The following SEMA6A variants were observed in gnomAD, a reference collection of about 807,000 sequenced individuals.
SEMA6A encodes semaphorin 6A.
SEMA6A carries 25 observed loss-of-function variants against 96.8 expected under a neutral mutation model. The ratio of observed to expected loss-of-function variants is 0.26; its 90% CI spans 0.19 to 0.36. SEMA6A has a LOEUF of 0.36. SEMA6A is among the 10% of genes least tolerant of loss of function. SEMA6A has a pLI of 1.00. For synonymous variants in SEMA6A, 612 were observed against 518.0 expected (o/e 1.18, Z -2.46); for missense variants, 1,363 against 1,323.1 (o/e 1.03, Z -0.47).
rs1754198347 is a variant in SEMA6A, at chr5:116,446,280, G to GTA, written c.*332_*333insTA. 2 of 222,858 alleles carry GTA rather than the reference G, an allele frequency of 9.0e-6. No homozygotes were observed. The highest frequency in any genetic ancestry group is 4.9e-5 in the African/African-American group (2 of 41,156). The allele number at this position is 222,858 out of a possible 1,614,324, so 13.8% of individuals were successfully genotyped here. A position where few individuals can be genotyped will look rare whatever the true frequency, so the allele number is the denominator to read the frequency against. ...GTTGTGTGCATGTGTGTGTGTGTGT[G>GTA]TGTGTGGGGGTGGGGGATGGGGTAG... On this transcript the variant is annotated 3_prime_UTR_variant, in exon 19 of 19. Transcript: ENST00000343348.
At chr5:116,465,206 G>A (rs182310952) in intron 18 of SEMA6A, among the ~76,000 whole-genome samples, 17 of 152,232 alleles carry the variant, frequency 1.1e-4, no homozygotes, top group Admixed American at 5.9e-4. Flanking sequence ...TCACAGATTC[G>A]TTCAAGTTAA....
At chr5:116,514,371 A>T (rs1464325052) in intron 1 of SEMA6A, among the ~76,000 whole-genome samples, 1 of 152,090 alleles carries the variant, frequency 6.6e-6, no homozygotes, top group Admixed American at 6.6e-5. Context: ...TTCTCTAATG[A>T]TCAGTGATTT....
intron 1 of SEMA6A, among the ~76,000 whole-genome samples, chr5:116,510,626 T>G (rs943965610): frequency 1.3e-4 from 20 of 152,146 alleles, no homozygotes; most frequent in Non-Finnish European, 2.6e-4. Flanking sequence ...CTTGGACTCC[T>G]TACAAAATTC....
At position 116,547,589 on chromosome 5, in the gene SEMA6A, T is replaced by C. The variant is rs190470941; in HGVS notation, c.-39+26596A>G. On this transcript the variant is annotated intron_variant, in intron 1 of 18. Transcript: ENST00000343348. ...ACGTACTGGTTAAAGGCCTTTGTTT[T>C]ATCTATTAAGGAAGCTTCTGCAACA... is the stretch of plus-strand genomic sequence containing the variant. Among the ~76,000 whole-genome samples, 646 of 152,080 alleles carry C rather than the reference T, an allele frequency of 4.2e-3. 11 individuals carry two copies. The highest frequency in any genetic ancestry group is 1.2e-3 in the Non-Finnish European group (81 of 68,002).
chr5:116,458,176 A>G (rs947745589), intron 18 of SEMA6A, among the ~76,000 whole-genome samples: 3 of 152,228 alleles, frequency 2.0e-5, no homozygotes, highest in Non-Finnish European at 4.4e-5. Context: ...CCACTTTTCC[A>G]CATAATGCAA....
intron 15 of SEMA6A, among the ~76,000 whole-genome samples, chr5:116,477,553 G>A (rs999241822): frequency 1.2e-4 from 18 of 152,188 alleles, no homozygotes; most frequent in African/African-American, 4.3e-4. Context: ...CCACCATGAT[G>A]ATCAAGGCAG....
chr5:116,518,981 C>T (rs1292802903), intron 1 of SEMA6A, among the ~76,000 whole-genome samples: 1 of 151,394 alleles, frequency 6.6e-6, no homozygotes, highest in Non-Finnish European at 1.5e-5. Flanking sequence ...TTAACATAGT[C>T]TTTATCTCTC....
At chr5:116,477,785 C>G in intron 15 of SEMA6A, 61 bp downstream of exon 15, 2 of 1,527,782 alleles carry the variant, frequency 1.3e-6, no homozygotes, top group Non-Finnish European at 1.8e-6. Flanking sequence ...GCAAATCTTA[C>G]ATCTAGAATA....
intron 9 of SEMA6A, 42 bp downstream of exon 9, chr5:116,488,066 G>C (rs1561490942): frequency 1.5e-6 from 2 of 1,333,448 alleles, no homozygotes; most frequent in Non-Finnish European, 1.1e-6. Flanking sequence ...GTGGGTTTCT[G>C]AAAATGTTAC....
intron 7 of SEMA6A, among the ~76,000 whole-genome samples, chr5:116,489,403 A>G (rs1036890207): frequency 6.6e-6 from 1 of 152,104 alleles, no homozygotes; most frequent in African/African-American, 2.4e-5. Flanking sequence ...AGGGAAAGAT[A>G]GATGCTGATT....
intron 2 of SEMA6A, among the ~76,000 whole-genome samples, chr5:116,503,631 C>T (rs1403713709): frequency 6.6e-6 from 1 of 152,060 alleles, no homozygotes; most frequent in East Asian, 1.9e-4. Flanking sequence ...GCTGCCTCAG[C>T]CTCCTGTAGC....
chr5:116,546,146 G>C (rs991489450), intron 1 of SEMA6A, among the ~76,000 whole-genome samples: 57 of 152,334 alleles, frequency 3.7e-4, no homozygotes, highest in Admixed American at 3.5e-3. Context: ...ACTGAGATTA[G>C]GATCACTCTT....
chr5:116,496,050 C>G (rs1157758508), intron 5 of SEMA6A: 2 of 516,162 alleles, frequency 3.9e-6, no homozygotes, highest in African/African-American at 3.9e-5. Context: ...TGATGCAGGC[C>G]TAGCAGCTGT....
intron 1 of SEMA6A, among the ~76,000 whole-genome samples, chr5:116,543,942 A>C (rs1760080983): frequency 6.6e-6 from 1 of 152,158 alleles, no homozygotes; most frequent in Non-Finnish European, 1.5e-5. Flanking sequence ...ACTGCTGTTA[A>C]AATACATTTG....
chr5:116,550,089 AT>A (rs1013833776), intron 1 of SEMA6A: 2 of 152,166 alleles, frequency 1.3e-5, no homozygotes, highest in Non-Finnish European at 1.5e-5. Flanking sequence ...TAAAGAGTTA[AT>A]TTTTTTAGAG....
At chr5:116,556,367 G>T (rs1003920496) in intron 1 of SEMA6A, among the ~76,000 whole-genome samples, 1 of 152,096 alleles carries the variant, frequency 6.6e-6, no homozygotes, top group South Asian at 2.1e-4. Flanking sequence ...AGTTTTACTT[G>T]TCAAGAACCC....
chr5:116,450,047 T>G (rs1754524330), intron 18 of SEMA6A, among the ~76,000 whole-genome samples: 1 of 152,368 alleles, frequency 6.6e-6, no homozygotes, highest in East Asian at 1.9e-4. Context: ...TTTCTTAAAT[T>G]TGCATTTCCT....
At chr5:116,455,438 A>G (rs1242164227) in intron 18 of SEMA6A, among the ~76,000 whole-genome samples, 1 of 152,198 alleles carries the variant, frequency 6.6e-6, no homozygotes, top group Non-Finnish European at 1.5e-5. Context: ...GTTTTCTTTC[A>G]TCAGCTTTCT....
intron 1 of SEMA6A, among the ~76,000 whole-genome samples, chr5:116,540,419 G>C (rs921622273): frequency 3.2e-4 from 48 of 152,136 alleles, no homozygotes; most frequent in African/African-American, 1.1e-3. Flanking sequence ...TCTATCCCTG[G>C]ATAAACTCCT....
Sources: gnomAD v4.1 joint callset for allele counts (sites outside exome capture counted in the v4.1 genomes callset) on GRCh38, gnomAD v4.1.1 for gene constraint, MANE v1.5 for transcripts, NCBI Gene and HGNC (gene_info 2026-07-23, HGNC 2026-07-21) for gene names.